Variants in C12orf42 observed in about 807,000 individuals in gnomAD.
The protein encoded by C12orf42 is uncharacterized protein C12orf42.
In C12orf42, 25 loss-of-function variants were observed where a neutral mutation model predicts 21.6. The ratio of observed to expected loss-of-function variants is 1.16; its 90% confidence interval spans 0.84 to 1.62. C12orf42 has a LOEUF of 1.62. C12orf42 is among the 40% of genes most tolerant of loss of function. The pLI, the probability that C12orf42 is intolerant of heterozygous loss-of-function variation, is 0.00. For synonymous variants in C12orf42, 174 were observed against 175.0 expected (o/e 0.99, Z 0.05); for missense variants, 483 against 459.3 (o/e 1.05, Z -0.47).
the C12orf42 span, among the ~76,000 whole-genome samples, chr12:103,079,453 C>T: frequency 6.6e-6 from 1 of 152,278 alleles, no homozygotes; most frequent in Non-Finnish European, 1.5e-5. Context: ...AGAAGCTAAA[C>T]CTACAGTTAA....
chr12:103,069,730 C>T, the C12orf42 span, among the ~76,000 whole-genome samples: 20 of 152,238 alleles, frequency 1.3e-4, no homozygotes, highest in East Asian at 1.4e-3. Context: ...AGGTCTCTTT[C>T]TCTATATTTT....
chr12:103,405,162 G>A (rs572534686), intron 2 of C12orf42, among the ~76,000 whole-genome samples: 2 of 152,256 alleles, frequency 1.3e-5, no homozygotes, highest in South Asian at 2.1e-4. Flanking sequence ...AGGGAATAAG[G>A]TACTAGGGAA....
chr12:103,221,722 A>G, the C12orf42 span, among the ~76,000 whole-genome samples: 1 of 152,214 alleles, frequency 6.6e-6, no homozygotes, highest in Admixed American at 6.5e-5. Flanking sequence ...GGCCGTGGAC[A>G]AACCCATCCT....
intron 2 of C12orf42, among the ~76,000 whole-genome samples, chr12:103,414,832 A>G (rs2049163286): frequency 6.6e-6 from 1 of 152,162 alleles, no homozygotes; most frequent in Admixed American, 6.5e-5. Context: ...TTGTAAGTGA[A>G]GAGAGATAGT....
At position 103,329,309 on chromosome 12, in the gene C12orf42, A is replaced by G. The variant is rs1209355938; in HGVS notation, c.260-22964T>C. Among the ~76,000 whole-genome samples the G allele has an allele frequency of 2.6e-5, 4 of 152,274 alleles. No individual in the cohort carries two copies. The East Asian group carries it at 7.7e-4, about 29-fold the overall frequency. On this transcript the variant is annotated intron_variant, in intron 4 of 5. Coordinates refer to ENST00000548883, the MANE Select transcript of C12orf42 (RefSeq NM_198521.5). Reference sequence around the variant, plus strand: ...CCCAGCATGTCACCTTATAGTTTCAATGGTTACTAAGAAAGTCCAATGAGA... The same window carrying G: ...CCCAGCATGTCACCTTATAGTTTCAGTGGTTACTAAGAAAGTCCAATGAGA...
chr12:103,082,988 C>A, the C12orf42 span, among the ~76,000 whole-genome samples: 2 of 152,122 alleles, frequency 1.3e-5, no homozygotes. Context: ...AGCTTTATAG[C>A]AAGTTTCAGG....
the C12orf42 span, among the ~76,000 whole-genome samples, chr12:103,551,452 G>A: frequency 6.6e-6 from 1 of 152,140 alleles, no homozygotes. Context: ...AGGAGTTCGA[G>A]GCTGCAGTGA....
chr12:103,075,292 CT>C, the C12orf42 span, among the ~76,000 whole-genome samples: 2 of 152,050 alleles, frequency 1.3e-5, no homozygotes, highest in Admixed American at 6.6e-5. Context: ...TATTTATTCC[CT>C]TTTTTTCCTC....
intron 2 of C12orf42, among the ~76,000 whole-genome samples, chr12:103,450,000 G>T (rs1333272833): frequency 3.3e-5 from 5 of 150,588 alleles, no homozygotes; most frequent in Non-Finnish European, 4.4e-5. Context: ...TAATTTTTTA[G>T]GTTTTGTAAA....
At chr12:103,112,947 G>C in the C12orf42 span, among the ~76,000 whole-genome samples, 1 of 152,158 alleles carries the variant, frequency 6.6e-6, no homozygotes, top group African/African-American at 2.4e-5. Flanking sequence ...ATGTAATCTT[G>C]TTCATTAAGC....
the C12orf42 span, among the ~76,000 whole-genome samples, chr12:103,202,556 G>A: frequency 6.6e-6 from 1 of 152,174 alleles, no homozygotes; most frequent in Non-Finnish European, 1.5e-5. Context: ...GTGTATGCTT[G>A]CCTCAGCTCA....
At chr12:103,546,888 C>G in the C12orf42 span, among the ~76,000 whole-genome samples, 1 of 152,218 alleles carries the variant, frequency 6.6e-6, no homozygotes, top group African/African-American at 2.4e-5. Flanking sequence ...TCCAAAGACA[C>G]AGGGACACGG....
intron 4 of C12orf42, among the ~76,000 whole-genome samples, chr12:103,326,521 C>T (rs1052601113): frequency 2.0e-5 from 3 of 152,296 alleles, no homozygotes; most frequent in Middle Eastern, 3.4e-3. Flanking sequence ...CCCTTCCTAC[C>T]GCTCTACTTA....
chr12:103,487,581 T>C (rs1361051444), intron 1 of C12orf42, among the ~76,000 whole-genome samples: 1 of 152,210 alleles, frequency 6.6e-6, no homozygotes, highest in Non-Finnish European at 1.5e-5. Context: ...TATTATGGTG[T>C]GGGAGTCTAA....
chr12:103,447,892 C>T (rs1449613604), intron 2 of C12orf42, among the ~76,000 whole-genome samples: 1 of 151,848 alleles, frequency 6.6e-6, no homozygotes, highest in Non-Finnish European at 1.5e-5. Flanking sequence ...AAATTCAATG[C>T]AATTCCCATC....
chr12:103,159,618 C>T, the C12orf42 span: 1 of 152,372 alleles, frequency 6.6e-6, no homozygotes, highest in Non-Finnish European at 1.5e-5. Context: ...CCTCCACCCT[C>T]CCTGCACTTT....
At chr12:103,156,909 A>G in the C12orf42 span, among the ~76,000 whole-genome samples, 1 of 152,192 alleles carries the variant, frequency 6.6e-6, no homozygotes, top group East Asian at 1.9e-4. Flanking sequence ...TGTCTTTGCT[A>G]TTGTAAATAA....
the C12orf42 span, among the ~76,000 whole-genome samples, chr12:103,062,551 A>G: frequency 6.6e-6 from 1 of 151,802 alleles, no homozygotes; most frequent in African/African-American, 2.4e-5. Flanking sequence ...TGCAAAACTA[A>G]TCATGATTTT....
At chr12:103,135,127 G>A in the C12orf42 span, among the ~76,000 whole-genome samples, 1 of 152,084 alleles carries the variant, frequency 6.6e-6, no homozygotes, top group Non-Finnish European at 1.5e-5. Flanking sequence ...ACACACAAAA[G>A]TATACAACCT....
Sources: allele counts gnomAD v4.1 joint callset (sites outside exome capture counted in the v4.1 genomes callset), GRCh38; gene constraint gnomAD v4.1.1; transcripts MANE v1.5; gene names NCBI Gene and HGNC (gene_info 2026-07-23, HGNC 2026-07-21).